TPRA1: variants seen among roughly 807,000 people sequenced by gnomAD.
The protein encoded by TPRA1 is transmembrane protein adipocyte associated 1.
Under a neutral mutation model 40.1 loss-of-function variants are expected in TPRA1, and 28 were observed. The ratio of observed to expected loss-of-function variants is 0.70; its 90% CI spans 0.52 to 0.96. The LOEUF is 0.96. Ranked by LOEUF, TPRA1 falls within the 40% of genes least tolerant of loss-of-function variation. The pLI is 0.00. For missense variants in TPRA1, 441 were observed against 482.6 expected, an observed-to-expected ratio of 0.91 and a Z score of 0.81; for synonymous variants, 219 against 209.7, an observed-to-expected ratio of 1.04 and a Z score of -0.38.
chr3:127,577,045 C>G lies in TPRA1; in HGVS notation c.290G>C (p.Arg97Pro), dbSNP rs145572251. The G allele has an allele frequency of 6.2e-7, 1 of 1,613,454 alleles. No individual in the cohort carries two copies. Among genetic ancestry groups the G allele is most frequent in the Non-Finnish European group, 8.5e-7 (1 of 1,180,026 alleles). The change falls in exon 4 of 11, where the codon CGG (arginine) becomes CCG (proline). Residue 97 changes from arginine to proline, a missense_variant. Transcript: ENST00000355552. Reference protein sequence around the residue: ...VFVVALVGIARAVVSMTVSTS... With the variant: ...VFVVALVGIAPAVVSMTVSTS... ...GCTCACCGTCATGGATACCACGGCC[C>G]GGGCAATGCCCACCAGCGCCACCAC... is the stretch of plus-strand genomic sequence containing the variant.
chr3:127,577,955 C>T (rs947484686), intron 3 of TPRA1, among the ~76,000 whole-genome samples: 35 of 152,364 alleles, frequency 2.3e-4, no homozygotes, highest in Admixed American at 7.8e-4. Flanking sequence ...GCACCATGGA[C>T]ACCACCCTGC....
Position 127,579,747 on chromosome 3 carries a change from TAGA to T in TPRA1, c.248_250del (p.Phe83del). 6.2e-7 allele frequency: 1 copy of T among 1,614,086 alleles called. No homozygotes were observed. The highest frequency in any genetic ancestry group is 8.5e-7 in the Non-Finnish European group (1 of 1,180,000). ...CAACTGCAGTGAACTCACCAGGATG[TAGA>T]AGGTGATAAAAATGGGGCTGGAGGT... On this transcript the variant is annotated inframe_deletion, in exon 3 of 11. Transcript: ENST00000355552.
chr3:127,573,584 C>A lies in TPRA1; in HGVS notation c.1059G>T (p.Met353Ile). The stretch of plus-strand genomic sequence containing the variant: ...TGTTGATGCTGCCAGTGTGGCAGGG[C>A]ATGGAAGCGATGTCATCCAGGTAGG... ...GVAYLDDIAS[M>I]PCHTGSINST... The change falls in exon 11 of 11, where the codon ATG becomes ATT. Residue 353 changes from methionine (M) to isoleucine (I), a missense_variant. Transcript: ENST00000355552. The A allele has an allele frequency of 1.9e-6, 3 of 1,613,078 alleles. No individual in the cohort carries two copies. Among genetic ancestry groups the A allele is most frequent in the Non-Finnish European group, 2.5e-6 (3 of 1,179,992 alleles).
intron 1 of TPRA1, chr3:127,588,257 AGGGCAGGGGTAGGGCT>A (rs1254703465): frequency 6.6e-6 from 1 of 152,278 alleles, no homozygotes; most frequent in African/African-American, 2.4e-5. Flanking sequence ...GCTGCTCCCA[AGGGCAGGGGTAGGGCT>A]GAACAGTCTG....
intron 3 of TPRA1, among the ~76,000 whole-genome samples, chr3:127,577,926 C>T (rs138863640): frequency 6.6e-5 from 10 of 152,296 alleles, no homozygotes; most frequent in East Asian, 3.9e-4. Context: ...GAAAGGCAGA[C>T]GGACAGCATG....
Position 127,576,821 on chromosome 3 carries a change from C to CA in TPRA1, c.417dup (p.Gly140TrpfsTer6). 1 of 1,613,822 alleles carries CA rather than the reference C, an allele frequency of 6.2e-7. No individual in the cohort carries two copies. Among genetic ancestry groups the CA allele is most frequent in the Non-Finnish European group, 8.5e-7 (1 of 1,180,016 alleles). On this transcript the variant is annotated frameshift_variant and splice_region_variant, in exon 5 of 11. Coordinates refer to ENST00000355552, the MANE Select transcript of TPRA1 (RefSeq NM_001136053.4). LOFTEE classifies it high-confidence loss of function. The surrounding 1 kb of genome is among the most constrained non-coding windows in gnomAD (Gnocchi z 4.6). The stretch of plus-strand genomic sequence containing the variant: ...CCCAAGAGCCCAGCGGTACACACAC[C>CA]AAAGGCCAGGCCCAGGATGATCACA...
intron 1 of TPRA1, among the ~76,000 whole-genome samples, chr3:127,586,119 G>T (rs2073992465): frequency 6.6e-6 from 1 of 152,170 alleles, no homozygotes; most frequent in Non-Finnish European, 1.5e-5. Flanking sequence ...CCTCATGGGG[G>T]GATCTGTGCC....
intron 1 of TPRA1, among the ~76,000 whole-genome samples, chr3:127,583,271 C>T (rs1268632476): frequency 1.3e-5 from 2 of 151,854 alleles, no homozygotes; most frequent in East Asian, 1.9e-4. Context: ...TGAGATCACA[C>T]CATTGCTCTC....
intron 1 of TPRA1, among the ~76,000 whole-genome samples, chr3:127,583,905 G>A (rs1266713518): frequency 2.6e-5 from 4 of 151,830 alleles, no homozygotes; most frequent in East Asian, 2.0e-4. Flanking sequence ...TCCTGACCTC[G>A]TGATCCGCCC....
intron 3 of TPRA1, among the ~76,000 whole-genome samples, chr3:127,578,351 G>A (rs2073716284): frequency 6.6e-6 from 1 of 152,202 alleles, no homozygotes; most frequent in Non-Finnish European, 1.5e-5. Context: ...GGGCACTGGG[G>A]CACAGAGAGA....
At position 127,572,641 on chromosome 3, in the gene TPRA1, C is replaced by A. The variant is rs2073408184; in HGVS notation, c.*880G>T. Among the ~76,000 whole-genome samples, 1 of 152,250 alleles carries A rather than the reference C, an allele frequency of 6.6e-6. No homozygotes were observed. Among genetic ancestry groups the A allele is most frequent in the Non-Finnish European group, 1.5e-5 (1 of 68,050 alleles). On this transcript the variant is annotated 3_prime_UTR_variant, in exon 11 of 11. Coordinates refer to ENST00000355552, the MANE Select transcript of TPRA1 (RefSeq NM_001136053.4). ...TAAGAGCTATCCTTATCGTTCATTA[C>A]TGTACGCCAGCCACTCGTGCTTAGT...
At chr3:127,579,467 C>T (rs553527675) in intron 3 of TPRA1, among the ~76,000 whole-genome samples, 8 of 152,308 alleles carry the variant, frequency 5.3e-5, no homozygotes, top group African/African-American at 1.9e-4. Context: ...CAGGTCTACA[C>T]TGGCACTATC....
chr3:127,592,176 C>T (rs537675631), upstream of TPRA1, among the ~76,000 whole-genome samples: 1 of 152,240 alleles, frequency 6.6e-6, no homozygotes, highest in African/African-American at 2.4e-5. Context: ...ATCACTCTCA[C>T]GCACATTCAA....
chr3:127,577,650 C>G (rs2073686983), intron 3 of TPRA1, among the ~76,000 whole-genome samples: 1 of 152,060 alleles, frequency 6.6e-6, no homozygotes, highest in Admixed American at 6.5e-5. Context: ...AAGCCACCAG[C>G]CCAGCAGGTT....
rs2073746155 is a variant in TPRA1 at position 127,579,178 on chromosome 3, T to C, written c.258+562A>G. Among the ~76,000 whole-genome samples, 3 of 152,282 alleles carry C rather than the reference T, an allele frequency of 2.0e-5. No individual in the cohort carries two copies. In the South Asian group the frequency reaches 6.2e-4, roughly 32 times the overall value. On this transcript the variant is annotated intron_variant, in intron 3 of 10. Transcript: ENST00000355552. ...ACCACCAAGTGGTGACAATGCAGGCTCTCCCAGCAAGTAAGATGTCTTCTC... is the reference window on the plus strand; with the variant it reads ...ACCACCAAGTGGTGACAATGCAGGCCCTCCCAGCAAGTAAGATGTCTTCTC...
At chr3:127,597,400 C>A (rs2074255046) in intron 1 of TPRA1, among the ~76,000 whole-genome samples, 1 of 152,248 alleles carries the variant, frequency 6.6e-6, no homozygotes, top group Admixed American at 6.5e-5. Context: ...TCTCACCCTG[C>A]TCAAAATGCT....
chr3:127,596,903 T>A (rs1268082034), intron 1 of TPRA1, among the ~76,000 whole-genome samples: 1 of 152,158 alleles, frequency 6.6e-6, no homozygotes, highest in Non-Finnish European at 1.5e-5. Flanking sequence ...GATCCACTTG[T>A]CAGGAGTTGG....
At chr3:127,586,770 G>A (rs1301695678) in intron 1 of TPRA1, among the ~76,000 whole-genome samples, 1 of 152,202 alleles carries the variant, frequency 6.6e-6, no homozygotes, top group African/African-American at 2.4e-5. Context: ...GACGGGCAGG[G>A]CCAGGGTGCA....
intron 7 of TPRA1, 35 bp from the exon 8 acceptor site, chr3:127,575,844 G>C: frequency 6.2e-7 from 1 of 1,613,144 alleles, no homozygotes; most frequent in Non-Finnish European, 8.5e-7. Context: ...AGGTGCTGGG[G>C]GCGCCAGCCC....
Sources: allele counts gnomAD v4.1 joint callset (sites outside exome capture counted in the v4.1 genomes callset), GRCh38; gene constraint gnomAD v4.1.1; non-coding constraint Gnocchi (gnomAD v3.1); transcripts MANE v1.5; gene names NCBI Gene and HGNC (gene_info 2026-07-23, HGNC 2026-07-21).